Variants in FOXJ3 observed in about 807,000 individuals in gnomAD.
The protein encoded by FOXJ3 is forkhead box protein J3.
In FOXJ3, 22 loss-of-function variants were observed where a neutral mutation model predicts 76.1. That is an observed-to-expected ratio of 0.29 (90% CI 0.21 to 0.41). FOXJ3 has a LOEUF of 0.41. Among genes scored for constraint, FOXJ3 ranks in the 10% least tolerant of loss-of-function variants. FOXJ3 has a pLI of 1.00. For missense variants in FOXJ3, 613 were observed against 762.1 expected (o/e 0.80, Z 2.30); for synonymous variants, 269 against 261.2 (o/e 1.03, Z -0.29).
Position 42,278,109 on chromosome 1 carries a change from A to G in FOXJ3, c.369+239T>C, listed in dbSNP as rs545832362. ...AGGTATGGTTTCCAGTGAACGCTAC[A>G]TTATCCCCGCTCTTACTTTATGCTA... On this transcript the variant is annotated intron_variant, in intron 3 of 12. Transcript: ENST00000361346. Among the ~76,000 whole-genome samples the G allele has an allele frequency of 6.6e-5, 10 of 152,206 alleles. No individual in the cohort carries two copies. The East Asian group carries it at 1.9e-3, about 29-fold the overall frequency.
intron 5 of FOXJ3, among the ~76,000 whole-genome samples, chr1:42,219,364 A>C (rs1647133951): frequency 6.6e-6 from 1 of 152,134 alleles, no homozygotes; most frequent in Non-Finnish European, 1.5e-5. Context: ...TACTGTGCCT[A>C]ATTTATAAAT....
intron 5 of FOXJ3, among the ~76,000 whole-genome samples, chr1:42,220,800 T>C (rs548346586): frequency 9.2e-5 from 14 of 152,198 alleles, no homozygotes; most frequent in Non-Finnish European, 1.9e-4. Flanking sequence ...TGCCCTACTT[T>C]GCAAGGATCA....
At chr1:42,187,675 G>GGAGA (rs148711337) in intron 11 of FOXJ3, among the ~76,000 whole-genome samples, 3 of 151,546 alleles carry the variant, frequency 2.0e-5, no homozygotes, top group East Asian at 1.9e-4. Context: ...ACTAACAAAA[G>GGAGA]GAGAGAGAGA....
At chr1:42,264,011 C>T (rs1390031895) in intron 4 of FOXJ3, among the ~76,000 whole-genome samples, 4 of 144,194 alleles carry the variant, frequency 2.8e-5, no homozygotes, top group Admixed American at 2.2e-4. Context: ...GGATCGAGCC[C>T]AGCCATTGAG....
chr1:42,211,210 G>A (rs1347907453), intron 5 of FOXJ3, among the ~76,000 whole-genome samples: 2 of 152,284 alleles, frequency 1.3e-5, no homozygotes, highest in East Asian at 3.9e-4. Flanking sequence ...AGCTTGGCAT[G>A]GGTGCATCTG....
Position 42,176,624 on chromosome 1 carries a change from T to G in FOXJ3, c.*3086A>C, listed in dbSNP as rs1310703473. 6.6e-6 allele frequency: 1 copy of G among 152,640 alleles called. No individual in the cohort carries two copies. The highest frequency in any genetic ancestry group is 2.4e-5 in the African/African-American group (1 of 41,454). The allele number at this position is 152,640 out of a possible 1,614,324, so 9.5% of individuals were successfully genotyped here. A position where few individuals can be genotyped will look rare whatever the true frequency, so the allele number is the denominator to read the frequency against. ...TGGCAGCAACAATCCTAATGACACT[T>G]GGAATATTTCTTTACAGCACTAAAC... On this transcript the variant is annotated 3_prime_UTR_variant, in exon 13 of 13. Transcript: ENST00000361346.
intron 4 of FOXJ3, among the ~76,000 whole-genome samples, chr1:42,255,838 T>C (rs1234721299): frequency 1.3e-5 from 2 of 152,026 alleles, no homozygotes; most frequent in African/African-American, 4.8e-5. Flanking sequence ...CTGGCCAATA[T>C]AGTGAAACCC....
At chr1:42,306,988 A>G (rs1654510948) in intron 2 of FOXJ3, among the ~76,000 whole-genome samples, 1 of 152,170 alleles carries the variant, frequency 6.6e-6, no homozygotes, top group African/African-American at 2.4e-5. Flanking sequence ...GCTTGCACTA[A>G]GACTCTCTGT....
At chr1:42,328,323 A>G (rs576614448) in intron 1 of FOXJ3, among the ~76,000 whole-genome samples, 3 of 152,196 alleles carry the variant, frequency 2.0e-5, no homozygotes, top group Admixed American at 2.0e-4. Context: ...CTACCCAAAG[A>G]CCCAGTCATC....
chr1:42,328,517 C>A (rs1357023851), intron 1 of FOXJ3, among the ~76,000 whole-genome samples: 1 of 152,094 alleles, frequency 6.6e-6, no homozygotes, highest in African/African-American at 2.4e-5. Flanking sequence ...GGTCCAATTA[C>A]ATCAAAATCA....
At chr1:42,238,085 G>C (rs1192269685) in intron 4 of FOXJ3, among the ~76,000 whole-genome samples, 1 of 152,002 alleles carries the variant, frequency 6.6e-6, no homozygotes, top group Non-Finnish European at 1.5e-5. Flanking sequence ...CCAGGCTGGA[G>C]TGGAGTGCTG....
At chr1:42,222,640 T>G (rs1299801188) in intron 5 of FOXJ3, among the ~76,000 whole-genome samples, 1 of 152,186 alleles carries the variant, frequency 6.6e-6, no homozygotes, top group Non-Finnish European at 1.5e-5. Context: ...CCAGACAAAA[T>G]TAACTACTGT....
chr1:42,251,317 G>A (rs145027373), intron 4 of FOXJ3, among the ~76,000 whole-genome samples: 7 of 152,142 alleles, frequency 4.6e-5, no homozygotes, highest in African/African-American at 9.6e-5. Context: ...TTGAAAACTC[G>A]GACAAGTGGG....
intron 3 of FOXJ3, among the ~76,000 whole-genome samples, chr1:42,268,310 T>C (rs1038852864): frequency 1.3e-4 from 19 of 151,588 alleles, no homozygotes; most frequent in Non-Finnish European, 1.5e-5. Context: ...CATCTTAAAA[T>C]ACTGAAAGAA....
In FOXJ3 at chr1:42,324,093, A is replaced by ATATACACAGTGTATATATAG. The variant is rs1557725837; in HGVS notation, c.-18+10965_-18+10966insCTATATATACACTGTGTATA. 7.5e-3 allele frequency among the ~76,000 whole-genome samples: 948 copies of ATATACACAGTGTATATATAG among 126,700 alleles called. 122 individuals carry two copies. The highest frequency in any genetic ancestry group is 0.01 in the South Asian group (44 of 4,192). The allele number at this position is 126,700 out of a possible 152,430, so 83.1% of individuals were successfully genotyped here. On this transcript the variant is annotated intron_variant, in intron 1 of 12. Coordinates refer to ENST00000361346, the MANE Select transcript of FOXJ3 (RefSeq NM_014947.5). The stretch of plus-strand genomic sequence containing the variant: ...AGTGTATATATAGTATATATACTGT[A>ATATACACAGTGTATATATAG]TATATACTGTGTATATACACTGTAT...
In FOXJ3 at chr1:42,176,919, G is replaced by C. The variant is rs1472102512; in HGVS notation, c.*2791C>G. 1 of 152,718 alleles carries C rather than the reference G, an allele frequency of 6.5e-6. No homozygotes were observed. The highest frequency in any genetic ancestry group is 1.9e-4 in the East Asian group (1 of 5,190). 9.5% of individuals were successfully genotyped at this position (152,718 alleles called of 1,614,324 possible). ...ACTTCAAAGGACATCTGAGCGACACGTATTTACAAGAACACACATGAATAC... is the reference window on the plus strand; with the variant it reads ...ACTTCAAAGGACATCTGAGCGACACCTATTTACAAGAACACACATGAATAC... On this transcript the variant is annotated 3_prime_UTR_variant, in exon 13 of 13. Coordinates refer to ENST00000361346, the MANE Select transcript of FOXJ3 (RefSeq NM_014947.5).
chr1:42,234,933 A>C (rs368092778), intron 4 of FOXJ3, among the ~76,000 whole-genome samples: 2 of 152,182 alleles, frequency 1.3e-5, no homozygotes, highest in African/African-American at 4.8e-5. Flanking sequence ...TCAAAGCTGT[A>C]AGACAGGGAC....
chr1:42,283,343 C>T (rs1175002974), intron 2 of FOXJ3, among the ~76,000 whole-genome samples: 3 of 152,152 alleles, frequency 2.0e-5, no homozygotes, highest in Non-Finnish European at 2.9e-5. Context: ...CAACTCAAAA[C>T]TGAGTCATAA....
intron 5 of FOXJ3, among the ~76,000 whole-genome samples, chr1:42,222,040 GAGAAGGAGAAGAAGAAGAAGA>G (rs1647217409): frequency 3.3e-4 from 3 of 9,094 alleles, no homozygotes; most frequent in African/African-American, 9.3e-4. Context: ...GGAGGAGAAG[GAGAAGGAGAAGAAGAAGAAGA>G]AGAAGAAGAA....
Sources: gnomAD v4.1 joint callset for allele counts (sites outside exome capture counted in the v4.1 genomes callset) on GRCh38, gnomAD v4.1.1 for gene constraint, MANE v1.5 for transcripts, NCBI Gene and HGNC (gene_info 2026-07-23, HGNC 2026-07-21) for gene names.